The following ANO1 variants were observed in gnomAD, a reference collection of about 807,000 sequenced individuals.
ANO1 encodes the protein anoctamin-1.
Under a neutral mutation model 124.0 loss-of-function variants are expected in ANO1, and 59 were observed. The ratio of observed to expected loss-of-function variants is 0.48; its 90% CI spans 0.39 to 0.59. ANO1 has a LOEUF of 0.59. Ranked by LOEUF, ANO1 falls within the 20% of genes least tolerant of loss-of-function variation. The probability of loss-of-function intolerance (pLI) is 0.00; values close to 1 mark genes in which losing one functional copy is unlikely to be tolerated. For missense variants in ANO1, 1,059 were observed against 1,328.0 expected, an observed-to-expected ratio of 0.80 and a Z score of 3.15; for synonymous variants, 529 against 532.0, an observed-to-expected ratio of 0.99 and a Z score of 0.08.
intron 8 of ANO1, among the ~76,000 whole-genome samples, chr11:70,122,693 A>T (rs1157821014): frequency 9.2e-6 from 1 of 108,840 alleles, no homozygotes. Flanking sequence ...CCTCTCCCCT[A>T]CCTCTCTCTG....
chr11:70,072,130 A>C (rs1243946595), intron 1 of ANO1, among the ~76,000 whole-genome samples: 1 of 152,178 alleles, frequency 6.6e-6, no homozygotes, highest in Non-Finnish European at 1.5e-5. Flanking sequence ...TTCGGCGCCA[A>C]ACCCAGAGGG....
chr11:70,105,618 C>G (rs1489042306), intron 4 of ANO1, 116 bp from the exon 5 acceptor site: 26 of 963,938 alleles, frequency 2.7e-5, no homozygotes, highest in Non-Finnish European at 4.0e-5. Context: ...GGACAGAGTT[C>G]TGTCCATTTC....
chr11:70,113,547 G>A (rs1011531704), intron 7 of ANO1, among the ~76,000 whole-genome samples: 2 of 151,636 alleles, frequency 1.3e-5, no homozygotes, highest in South Asian at 4.2e-4. Flanking sequence ...TGTAGGCTCC[G>A]GCTGGGTGCC....
intron 10 of ANO1, among the ~76,000 whole-genome samples, chr11:70,128,494 A>T (rs2046613848): frequency 6.6e-6 from 1 of 152,196 alleles, no homozygotes; most frequent in Non-Finnish European, 1.5e-5. Flanking sequence ...CTGCCAGCCC[A>T]GGGGTTGGCC....
intron 1 of ANO1, among the ~76,000 whole-genome samples, chr11:70,040,214 G>C (rs553498717): frequency 6.6e-6 from 1 of 152,198 alleles, no homozygotes; most frequent in East Asian, 1.9e-4. Context: ...TGGAAGATTT[G>C]TGTGAGCTAA....
At chr11:69,994,568 T>G (rs902868) in intron 1 of ANO1, among the ~76,000 whole-genome samples, 1 of 152,128 alleles carries the variant, frequency 6.6e-6, no homozygotes, top group Non-Finnish European at 1.5e-5. Flanking sequence ...TGGCAATTTT[T>G]AATTTTCACT....
chr11:70,071,609 T>G (rs1857875427), intron 1 of ANO1, among the ~76,000 whole-genome samples: 1 of 141,556 alleles, frequency 7.1e-6, no homozygotes, highest in African/African-American at 2.5e-5. Context: ...GGCCAAGGTC[T>G]GATTAATAAC....
rs117335887 is a variant in ANO1 at position 70,148,185 on chromosome 11, G to A, written c.1259-1525G>A. Among the ~76,000 whole-genome samples, 185 of 152,204 alleles carry A rather than the reference G, an allele frequency of 1.2e-3. 7 individuals are homozygous for A. The East Asian group carries it at 0.031, about 26-fold the overall frequency. ...CCACATTTGTGAATTCACTCTGCAC[G>A]GTCACCGTCGCACAGCCCATTTTAT... On this transcript the variant is annotated intron_variant, in intron 11 of 25. Transcript: ENST00000355303.
intron 2 of ANO1, among the ~76,000 whole-genome samples, chr11:70,094,737 G>C (rs916875818): frequency 6.6e-6 from 1 of 152,214 alleles, no homozygotes; most frequent in African/African-American, 2.4e-5. Context: ...GGAACCTCTA[G>C]TCTATTCATG....
At chr11:70,070,687 T>C (rs7930269) in intron 1 of ANO1, among the ~76,000 whole-genome samples, 108,781 of 152,124 alleles carry the variant, frequency 0.72, 38,954 homozygotes, top group African/African-American at 0.72. Context: ...ATAAATGAAT[T>C]GTGAGTGCAT....
rs371685886 is a variant in ANO1, at chr11:70,167,399, C to A, written c.2197+12C>A. On this transcript the variant is annotated intron_variant, in intron 21 of 25. Transcript: ENST00000355303. Reference sequence around the variant, plus strand: ...GTACATGGAAATGAGTGAGTGATGGCCGGGGCAGGCAGGTGACATCAGGAT... The same window carrying A: ...GTACATGGAAATGAGTGAGTGATGGACGGGGCAGGCAGGTGACATCAGGAT... The A allele has an allele frequency of 4.8e-5, 77 of 1,605,758 alleles. No individual in the cohort carries two copies. The highest frequency in any genetic ancestry group is 6.3e-5 in the Non-Finnish European group (74 of 1,176,032).
rs754260584 is a variant in ANO1, at chr11:70,157,008, C to T, written c.1565C>T (p.Ser522Phe). 6.2e-7 allele frequency: 1 copy of T among 1,613,288 alleles called. No homozygotes were observed. The highest frequency in any genetic ancestry group is 8.5e-7 in the Non-Finnish European group (1 of 1,179,650). The change falls in exon 16 of 26, where the codon TCC (serine) becomes TTC (phenylalanine). Residue 522 changes from serine (S) to phenylalanine (F), a missense_variant. Coordinates refer to ENST00000355303, the MANE Select transcript of ANO1 (RefSeq NM_018043.7). The stretch of plus-strand genomic sequence containing the variant: ...CCAGCCTACCTCACTAACTTGGTCT[C>T]CATCATCTTCATGGTAAGTTCCAGA... ...RFPAYLTNLV[S>F]IIFMIAVTFA...
In ANO1 at chr11:70,153,231, T is replaced by C. The variant is rs2047674008; in HGVS notation, c.1425+103T>C. On this transcript the variant is annotated intron_variant, in intron 14 of 25. Transcript: ENST00000355303. ...CAGAGAACAAATATTGTAGGCTGTGTAACCCCGTGTTGCGGCTGCTCAACT... is the reference window on the plus strand; with the variant it reads ...CAGAGAACAAATATTGTAGGCTGTGCAACCCCGTGTTGCGGCTGCTCAACT... The C allele has an allele frequency of 2.9e-5, 31 of 1,086,006 alleles. No individual in the cohort carries two copies. The East Asian group carries it at 7.8e-4, about 27-fold the overall frequency. The allele number at this position is 1,086,006 out of a possible 1,614,324, so 67.3% of individuals were successfully genotyped here. A position where few individuals can be genotyped will look rare whatever the true frequency, so the allele number is the denominator to read the frequency against.
chr11:70,128,142 T>G (rs2046597093), intron 10 of ANO1, among the ~76,000 whole-genome samples: 1 of 152,194 alleles, frequency 6.6e-6, no homozygotes, highest in Non-Finnish European at 1.5e-5. Flanking sequence ...GATACATGAA[T>G]AACACCTAAA....
At chr11:70,083,567 G>C (rs2044265164) in intron 1 of ANO1, among the ~76,000 whole-genome samples, 1 of 152,148 alleles carries the variant, frequency 6.6e-6, no homozygotes, top group Non-Finnish European at 1.5e-5. Context: ...TATTGAACCT[G>C]GTAGCCTTCC....
rs1032040589 is a variant in ANO1 at position 70,085,816 on chromosome 11, G to A, written c.109-1936G>A. ...TGTTTGGGGAGGGGCTCCACCCTCC[G>A]GCTTCCCTGATACACTTTGGGTTGT... On this transcript the variant is annotated intron_variant, in intron 1 of 25. Coordinates refer to ENST00000355303, the MANE Select transcript of ANO1 (RefSeq NM_018043.7). 26 of 1,046,490 alleles carry A rather than the reference G, an allele frequency of 2.5e-5. No individual in the cohort carries two copies. The Admixed American group carries it at 2.5e-4, about 10-fold the overall frequency. The allele number at this position is 1,046,490 out of a possible 1,614,324, so 64.8% of individuals were successfully genotyped here.
chr11:69,985,340 G>C (rs1554996746), upstream of ANO1, among the ~76,000 whole-genome samples: 1 of 133,370 alleles, frequency 7.5e-6, no homozygotes, highest in South Asian at 2.8e-4. Flanking sequence ...GGAACCCGGG[G>C]AGGGGAGGGG....
intron 1 of ANO1, among the ~76,000 whole-genome samples, chr11:70,047,059 G>A (rs1439694438): frequency 7.6e-6 from 1 of 131,324 alleles, no homozygotes; most frequent in African/African-American, 3.0e-5. Context: ...CAGCCTGGGT[G>A]ACAAGAGCGA....
At chr11:70,034,431 A>G (rs1286096052) in intron 1 of ANO1, among the ~76,000 whole-genome samples, 1 of 152,156 alleles carries the variant, frequency 6.6e-6, no homozygotes, top group Non-Finnish European at 1.5e-5. Context: ...TGGACAGACC[A>G]CAAGGGCAGC....
Sources: allele counts gnomAD v4.1 joint callset (sites outside exome capture counted in the v4.1 genomes callset), GRCh38; gene constraint gnomAD v4.1.1; transcripts MANE v1.5; gene names NCBI Gene and HGNC (gene_info 2026-07-23, HGNC 2026-07-21).